RARB: variants seen among roughly 807,000 people sequenced by gnomAD.
RARB encodes the protein retinoic acid receptor beta, also known as HBV-activated protein.
In RARB, 17 loss-of-function variants were observed where a neutral mutation model predicts 51.9. The ratio of observed to expected loss-of-function variants is 0.33; its 90% confidence interval spans 0.22 to 0.49. RARB has a LOEUF of 0.49. Among genes scored for constraint, RARB ranks in the 20% least tolerant of loss-of-function variants. RARB has a pLI of 0.99. For synonymous variants in RARB, 215 were observed against 195.4 expected (o/e 1.10, Z -0.84); for missense variants, 369 against 550.8 (o/e 0.67, Z 3.30).
At chr3:24,913,129 C>A (rs146527929) in intron 2 of RARB, among the ~76,000 whole-genome samples, 1 of 151,426 alleles carries the variant, frequency 6.6e-6, no homozygotes, top group Non-Finnish European at 1.5e-5. Flanking sequence ...TACAGGCACC[C>A]GCCACCACGC....
intron 2 of RARB, among the ~76,000 whole-genome samples, chr3:24,943,357 T>C (rs1277320727): frequency 6.6e-6 from 1 of 152,186 alleles, no homozygotes; most frequent in East Asian, 1.9e-4. Context: ...TACGCTCTTG[T>C]TATCGTAAAT....
chr3:25,043,403 G>A (rs1698151784), intron 2 of RARB, among the ~76,000 whole-genome samples: 1 of 152,224 alleles, frequency 6.6e-6, no homozygotes. Context: ...AACAGGCCAA[G>A]CACACTTCAG....
intron 5 of RARB, among the ~76,000 whole-genome samples, chr3:25,265,725 G>A (rs774475624): frequency 5.3e-5 from 8 of 152,194 alleles, no homozygotes; most frequent in East Asian, 1.9e-4. Flanking sequence ...ACACGCCTCC[G>A]CCTCCCAAAG....
At chr3:25,118,136 A>T (rs1604012) in intron 3 of RARB, among the ~76,000 whole-genome samples, 74,355 of 151,978 alleles carry the variant, frequency 0.49, 18,589 homozygotes, top group East Asian at 0.66. Context: ...AATTTCTCCA[A>T]TAACTTTTTC....
chr3:24,989,774 C>CTT lies in RARB; in HGVS notation c.-379-70316_-379-70315dup, dbSNP rs769275874. On this transcript the variant is annotated intron_variant, in intron 2 of 11. Transcript: ENST00000383772. ...ATTTTAACTGTTGTCATATGTTTTT[C>CTT]TTTTTTTTTTTTTTTTTTTTTTTTT... is the stretch of plus-strand genomic sequence containing the variant. Among the ~76,000 whole-genome samples, 12 of 29,532 alleles carry CTT rather than the reference C, an allele frequency of 4.1e-4. 3 individuals are homozygous for CTT. The highest frequency in any genetic ancestry group is 7.6e-4 in the African/African-American group (6 of 7,882). The allele number at this position is 29,532 out of a possible 152,430, so 19.4% of individuals were successfully genotyped here. A position where few individuals can be genotyped will look rare whatever the true frequency, so the allele number is the denominator to read the frequency against.
intron 4 of RARB, among the ~76,000 whole-genome samples, chr3:25,159,044 T>G (rs1227086079): frequency 6.6e-6 from 1 of 151,782 alleles, no homozygotes; most frequent in African/African-American, 2.4e-5. Flanking sequence ...AAATACTGTT[T>G]GGCTGTGTAA....
chr3:25,213,040 G>C (rs1430317668), intron 5 of RARB, among the ~76,000 whole-genome samples: 1 of 152,088 alleles, frequency 6.6e-6, no homozygotes, highest in Non-Finnish European at 1.5e-5. Flanking sequence ...TAAAGACCAT[G>C]CTTTGCTTTT....
chr3:25,100,094 A>T (rs1162306172), intron 3 of RARB, among the ~76,000 whole-genome samples: 1 of 152,146 alleles, frequency 6.6e-6, no homozygotes, highest in African/African-American at 2.4e-5. Flanking sequence ...GTGCTCATTC[A>T]TTCATTCATC....
chr3:25,133,649 T>C (rs1370447392), intron 4 of RARB, among the ~76,000 whole-genome samples: 1 of 151,980 alleles, frequency 6.6e-6, no homozygotes, highest in Non-Finnish European at 1.5e-5. Flanking sequence ...AAAATGTGTT[T>C]TCTGTGACTA....
At chr3:25,074,501 G>T (rs970010024) in intron 3 of RARB, among the ~76,000 whole-genome samples, 7 of 151,838 alleles carry the variant, frequency 4.6e-5, no homozygotes, top group African/African-American at 1.5e-4. Context: ...TCTCCATAAG[G>T]CCCAAATCAC....
intron 5 of RARB, among the ~76,000 whole-genome samples, chr3:25,237,299 A>G (rs1702325709): frequency 6.6e-6 from 1 of 152,122 alleles, no homozygotes; most frequent in Non-Finnish European, 1.5e-5. Context: ...TGGCTTCCCA[A>G]AGCAGCATTA....
intron 5 of RARB, among the ~76,000 whole-genome samples, chr3:25,242,881 C>G (rs1225800809): frequency 6.6e-6 from 1 of 152,114 alleles, no homozygotes; most frequent in African/African-American, 2.4e-5. Context: ...AGCATTGAAT[C>G]TATCAATTAC....
rs199926860 is a variant in RARB, at chr3:25,580,740, C to G, written c.786+18C>G. ...ACATCCTGGTATGTGCCTTTTTGAG[C>G]TCTCAATGGGTCTGGGGAGGGAGAG... On this transcript the variant is annotated intron_variant, in intron 5 of 7. Transcript: ENST00000330688. 1 of 1,588,248 alleles carries G rather than the reference C, an allele frequency of 6.3e-7. No homozygotes were observed. The highest frequency in any genetic ancestry group is 1.7e-5 in the Admixed American group (1 of 59,494).
intron 5 of RARB, among the ~76,000 whole-genome samples, chr3:25,414,486 A>G (rs1170306084): frequency 6.6e-6 from 1 of 152,164 alleles, no homozygotes; most frequent in Non-Finnish European, 1.5e-5. Flanking sequence ...CCTTTTTAAG[A>G]AATGTTCAAA....
intron 3 of RARB, among the ~76,000 whole-genome samples, chr3:25,549,237 G>C (rs1168207242): frequency 1.3e-5 from 2 of 152,018 alleles, no homozygotes; most frequent in African/African-American, 2.4e-5. Flanking sequence ...TAGCAGGCCT[G>C]ATAAGCATTT....
In RARB at chr3:24,990,680, G is replaced by GT. The variant is rs1396713481; in HGVS notation, c.-379-69439dup. 1.6e-5 allele frequency among the ~76,000 whole-genome samples: 2 copies of GT among 125,442 alleles called. 1 individual carries two copies. Among genetic ancestry groups the GT allele is most frequent in the Non-Finnish European group, 3.3e-5 (2 of 59,950 alleles). 82.3% of individuals were successfully genotyped at this position (125,442 alleles called of 152,430 possible). ...ACAGTATCCCTGTGTTTCTTTTAGTGTTTTTTATTACACCCTGCTCTTTGG... is the reference window on the plus strand; with the variant it reads ...ACAGTATCCCTGTGTTTCTTTTAGTGTTTTTTTATTACACCCTGCTCTTTGG... On this transcript the variant is annotated intron_variant, in intron 2 of 11. Coordinates refer to the RARB transcript ENST00000383772.
intron 2 of RARB, among the ~76,000 whole-genome samples, chr3:24,897,618 A>G (rs1286331019): frequency 3.3e-5 from 5 of 152,228 alleles, no homozygotes; most frequent in Non-Finnish European, 7.3e-5. Context: ...TACTTGATAC[A>G]ATGATAACTT....
chr3:25,182,938 A>G (rs1700891051), intron 5 of RARB, among the ~76,000 whole-genome samples: 2 of 152,152 alleles, frequency 1.3e-5, no homozygotes, highest in Non-Finnish European at 2.9e-5. Context: ...CCAAAAGCCA[A>G]AGACTGCTGG....
intron 5 of RARB, among the ~76,000 whole-genome samples, chr3:25,231,920 C>T (rs1702186661): frequency 6.6e-6 from 1 of 151,834 alleles, no homozygotes; most frequent in Admixed American, 6.6e-5. Context: ...TGATGAAACT[C>T]AATATATTTT....
Sources: gnomAD v4.1 joint callset for allele counts (sites outside exome capture counted in the v4.1 genomes callset) on GRCh38, gnomAD v4.1.1 for gene constraint, MANE v1.5 for transcripts, NCBI Gene and HGNC (gene_info 2026-07-23, HGNC 2026-07-21) for gene names.